Variants in CCDC127 observed in about 807,000 individuals in gnomAD.
CCDC127 encodes the protein coiled-coil domain-containing protein 127.
A neutral mutation model predicts 4.1 loss-of-function variants in CCDC127; 2 were observed. The observed-to-expected ratio is 0.49, with a 90% CI of 0.20 to 1.53. The LOEUF (loss-of-function observed/expected upper bound fraction) is 1.53, where lower values mean the gene tolerates loss of function less well. Ranked by LOEUF, CCDC127 falls within the 40% of genes most tolerant of loss-of-function variation. The pLI, the probability that CCDC127 is intolerant of heterozygous loss-of-function variation, is 0.23. For missense variants in CCDC127, 271 were observed against 322.9 expected, an observed-to-expected ratio of 0.84 and a Z score of 1.23; for synonymous variants, 98 against 120.4, an observed-to-expected ratio of 0.81 and a Z score of 1.22.
rs1188390787 is a variant in CCDC127 at position 197,043 on chromosome 5, A to G, written c.*8254T>C. On this transcript the variant is annotated 3_prime_UTR_variant, in exon 3 of 3. Coordinates refer to ENST00000296824, the MANE Select transcript of CCDC127 (RefSeq NM_145265.3). ...AGGAGGTCAGCAAAAACGTGTGAGC[A>G]AAAGAATCTATGTCGTAATTAAGTT... The G allele has an allele frequency of 2.0e-5, 3 of 151,660 alleles. No homozygotes were observed. The highest frequency in any genetic ancestry group is 7.3e-5 in the African/African-American group (3 of 41,162). 9.4% of individuals were successfully genotyped at this position (151,660 alleles called of 1,614,324 possible).
At chr5:213,355 G>A (rs1216308093) in intron 2 of CCDC127, among the ~76,000 whole-genome samples, 2 of 83,826 alleles carry the variant, frequency 2.4e-5, no homozygotes, top group Non-Finnish European at 4.4e-5. Context: ...GCTGATGCTC[G>A]ACATCGCACA....
rs1734064877 is a variant in CCDC127 at position 200,971 on chromosome 5, C to A, written c.*4326G>T. The A allele has an allele frequency of 1.5e-5, 2 of 135,600 alleles. No homozygotes were observed. Among genetic ancestry groups the A allele is most frequent in the Middle Eastern group, 3.6e-3 (1 of 278 alleles). The allele number at this position is 135,600 out of a possible 1,614,324, so 8.4% of individuals were successfully genotyped here. On this transcript the variant is annotated 3_prime_UTR_variant, in exon 3 of 3. Transcript: ENST00000296824. ...GCCAGCGTCTACACAGCAGGCTGCCCCCATCACAGCCAGCGTCTACACAGC... is the reference window on the plus strand; with the variant it reads ...GCCAGCGTCTACACAGCAGGCTGCCACCATCACAGCCAGCGTCTACACAGC...
intron 1 of CCDC127, 127 bp from the exon 2 acceptor site, chr5:216,986 C>T (rs1395724298): frequency 9.2e-6 from 5 of 540,660 alleles, no homozygotes; most frequent in Non-Finnish European, 1.6e-5. Flanking sequence ...TAGACCAGAG[C>T]CGGGCATGGT....
chr5:205,880 T>C lies in CCDC127; in HGVS notation c.200A>G (p.Gln67Arg), dbSNP rs1357305203. ...EAYRRRTAAF[Q>R]QDLEAKYHAM... is the part of the protein sequence containing the mutation. ...GTGGTACTTGGCTTCCAGATCCTGT[T>C]GAAAAGCAGCAGTTCTCCGACGGTA... The change falls in exon 3 of 3, where the codon CAA (glutamine) becomes CGA (arginine). Residue 67 changes from glutamine to arginine, a missense_variant. Physicochemically the swap from Gln to Arg is conservative, Grantham distance 43 (BLOSUM62 1). Around this residue, in one of 2 missense-constraint regions of CCDC127, gnomAD observed 265 missense variants for 270.9 expected, o/e 0.98. Transcript: ENST00000296824. 1 of 1,614,224 alleles carries C rather than the reference T, an allele frequency of 6.2e-7. No individual in the cohort carries two copies. Among genetic ancestry groups the C allele is most frequent in the Non-Finnish European group, 8.5e-7 (1 of 1,180,034 alleles).
At chr5:217,643 G>A (rs1193084649) in intron 1 of CCDC127, among the ~76,000 whole-genome samples, 5 of 151,892 alleles carry the variant, frequency 3.3e-5, no homozygotes, top group African/African-American at 9.7e-5. Flanking sequence ...GGGGTGATGT[G>A]GGGAAGGTGC....
In CCDC127 at chr5:197,121, T is replaced by A. The variant is rs563503219; in HGVS notation, c.*8176A>T. 12 of 152,164 alleles carry A rather than the reference T, an allele frequency of 7.9e-5. No homozygotes were observed. Among genetic ancestry groups the A allele is most frequent in the African/African-American group, 2.9e-4 (12 of 41,488 alleles). 9.4% of individuals were successfully genotyped at this position (152,164 alleles called of 1,614,324 possible). A position where few individuals can be genotyped will look rare whatever the true frequency, so the allele number is the denominator to read the frequency against. On this transcript the variant is annotated 3_prime_UTR_variant, in exon 3 of 3. Coordinates refer to ENST00000296824, the MANE Select transcript of CCDC127 (RefSeq NM_145265.3). Reference sequence around the variant, plus strand: ...CACGTAGGCCAGATTTATGTTTCTCTCCACCCAAACATCTCAGCAGAGTAA... The same window carrying A: ...CACGTAGGCCAGATTTATGTTTCTCACCACCCAAACATCTCAGCAGAGTAA...
In CCDC127 at chr5:205,490, T is replaced by C; in HGVS notation, c.590A>G (p.Asp197Gly). Residue 197 changes from aspartate to glycine, a missense_variant, in exon 3 of 3, where the codon GAC (aspartate) becomes GGC (glycine). This residue lies in a region of CCDC127 where 265 missense variants were observed against 270.9 expected (regional missense o/e 0.98). Coordinates refer to ENST00000296824, the MANE Select transcript of CCDC127 (RefSeq NM_145265.3). ...CATCTCTAGGTCAGCGGCGACGGGG[T>C]CGACGGACGCTCGCACCAGTAAGCT... The part of the protein sequence containing the change: ...EKSLLVRASV[D>G]PVAADLEMAA... 1.9e-6 allele frequency: 3 copies of C among 1,613,696 alleles called. No individual in the cohort carries two copies. Among genetic ancestry groups the C allele is most frequent in the Non-Finnish European group, 2.5e-6 (3 of 1,179,764 alleles).
intron 1 of CCDC127, 44 bp downstream of exon 1, chr5:218,049 A>C (rs1579368688): frequency 2.7e-6 from 3 of 1,095,438 alleles, no homozygotes; most frequent in South Asian, 8.8e-5. Flanking sequence ...GGGGCTTTAA[A>C]AATGTTGGTG....
At chr5:209,713 TC>T (rs1414124087) in intron 2 of CCDC127, among the ~76,000 whole-genome samples, 24 of 146,850 alleles carry the variant, frequency 1.6e-4, no homozygotes, top group African/African-American at 6.0e-4. Flanking sequence ...ACAGAAACAA[TC>T]CTTTGCAGCC....
At chr5:218,035 C>T in intron 1 of CCDC127, 58 bp downstream of exon 1, 1 of 1,021,706 alleles carries the variant, frequency 9.8e-7, no homozygotes, top group Non-Finnish European at 1.2e-6. Context: ...GGAGAACCAC[C>T]CACGGGGCTT....
chr5:208,422 G>A (rs531768311), intron 2 of CCDC127, among the ~76,000 whole-genome samples: 46 of 152,338 alleles, frequency 3.0e-4, no homozygotes, highest in Admixed American at 2.0e-4. Flanking sequence ...AAAGGACCAC[G>A]ATAGAGGCCT....
At chr5:207,377 G>A (rs1734196430) in intron 2 of CCDC127, among the ~76,000 whole-genome samples, 1 of 152,186 alleles carries the variant, frequency 6.6e-6, no homozygotes, top group Non-Finnish European at 1.5e-5. Flanking sequence ...GACCAGGAAA[G>A]AAGCTGTTAC....
intron 2 of CCDC127, among the ~76,000 whole-genome samples, chr5:212,388 T>A (rs368858089): frequency 3.2e-4 from 5 of 15,692 alleles, no homozygotes; most frequent in East Asian, 9.9e-4. Flanking sequence ...ACTGCAGCCA[T>A]GACGAGACAG....
intron 1 of CCDC127, among the ~76,000 whole-genome samples, chr5:217,451 G>C (rs1430434401): frequency 6.6e-6 from 1 of 152,174 alleles, no homozygotes; most frequent in Non-Finnish European, 1.5e-5. Flanking sequence ...CCTTCTATTT[G>C]TTGTGTCTCT....
intron 2 of CCDC127, among the ~76,000 whole-genome samples, chr5:209,115 C>T (rs923867111): frequency 2.0e-4 from 30 of 151,356 alleles, no homozygotes; most frequent in African/African-American, 6.1e-4. Context: ...AACAACCCTT[C>T]GCAGCCTGGC....
intron 2 of CCDC127, among the ~76,000 whole-genome samples, chr5:209,629 C>A (rs1224078492): frequency 8.5e-6 from 1 of 117,342 alleles, no homozygotes; most frequent in Non-Finnish European, 1.8e-5. Context: ...AGGACTCCCC[C>A]ACAAACACAG....
chr5:212,437 A>G (rs370050874), intron 2 of CCDC127, among the ~76,000 whole-genome samples: 16 of 30,738 alleles, frequency 5.2e-4, no homozygotes, highest in Non-Finnish European at 6.1e-4. Flanking sequence ...CTGGACAGCA[A>G]TGTGAGCACG....
chr5:213,611 C>T (rs1381510462), intron 2 of CCDC127, among the ~76,000 whole-genome samples: 2 of 151,248 alleles, frequency 1.3e-5, no homozygotes, highest in Admixed American at 6.6e-5. Flanking sequence ...AGTGTGAGCA[C>T]GCTGATGCTC....
In CCDC127 at chr5:218,106, C is replaced by G; in HGVS notation, c.-24G>C. On this transcript the variant is annotated 5_prime_UTR_variant, in exon 1 of 3. Transcript: ENST00000296824. ...GGCCCGCTCTACCTCGGTCGGGGAG[C>G]GCGGGACCTCAGCGTTCCCTTAACG... 8.2e-7 allele frequency: 1 copy of G among 1,212,562 alleles called. No homozygotes were observed. Among genetic ancestry groups the G allele is most frequent in the Non-Finnish European group, 1.0e-6 (1 of 972,816 alleles). 75.1% of individuals were successfully genotyped at this position (1,212,562 alleles called of 1,614,324 possible). A position where few individuals can be genotyped will look rare whatever the true frequency, so the allele number is the denominator to read the frequency against.
Sources: allele counts gnomAD v4.1 joint callset (sites outside exome capture counted in the v4.1 genomes callset), GRCh38; gene constraint gnomAD v4.1.1; regional missense constraint gnomAD v4.1.1; transcripts MANE v1.5; gene names NCBI Gene and HGNC (gene_info 2026-07-23, HGNC 2026-07-21).